The following MCF2 variants were observed in gnomAD, a reference collection of about 807,000 sequenced individuals.
MCF2 encodes proto-oncogene DBL.
A neutral mutation model predicts 82.5 loss-of-function variants in MCF2; 44 were observed. The ratio of observed to expected loss-of-function variants is 0.53; its 90% CI spans 0.42 to 0.69. The LOEUF is 0.69. Among genes scored for constraint, MCF2 ranks in the 30% least tolerant of loss-of-function variants. The probability of loss-of-function intolerance (pLI) is 0.00; values close to 1 mark genes in which losing one functional copy is unlikely to be tolerated. For missense variants in MCF2, 623 were observed against 663.1 expected, an observed-to-expected ratio of 0.94 and a Z score of 0.66; for synonymous variants, 217 against 224.9, an observed-to-expected ratio of 0.96 and a Z score of 0.32.
At chrX:139,642,499 C>T (rs865955898) in exon 1 of MCF2, 52 of 1,209,390 alleles carry the variant, frequency 4.3e-5, no homozygotes, top group Non-Finnish European at 4.9e-5. Flanking sequence ...CTTGCCTCTC[C>T]GGGGATTTGC....
intron 4 of MCF2, 137 bp downstream of exon 7, chrX:139,629,558 T>C: frequency 2.0e-6 from 1 of 499,936 alleles, no homozygotes; most frequent in Admixed American, 3.8e-5. Context: ...AAGTATAATT[T>C]TTTTTAGTTT....
At chrX:139,691,808 T>C (rs1047612115) in intron 1 of MCF2, 2 of 614,204 alleles carry the variant, frequency 3.3e-6, no homozygotes, top group African/African-American at 4.6e-5. Flanking sequence ...GGGAGGGGTG[T>C]GGACTGGAAA....
At chrX:139,601,116 T>C (rs976671492) in intron 16 of MCF2, among the ~76,000 whole-genome samples, 40 of 110,198 alleles carry the variant, frequency 3.6e-4, no homozygotes, top group Middle Eastern at 4.7e-3. Context: ...AGACAAAGAA[T>C]GGAAAATAGA....
intron 1 of MCF2, among the ~76,000 whole-genome samples, chrX:139,681,319 T>C (rs766945689): frequency 9.0e-6 from 1 of 111,430 alleles, no homozygotes; most frequent in Non-Finnish European, 1.9e-5. Context: ...GATGCTGACC[T>C]AGTCAAGGCA....
chrX:139,683,981 C>T (rs1935062925), intron 1 of MCF2, among the ~76,000 whole-genome samples: 1 of 112,473 alleles, frequency 8.9e-6, no homozygotes, highest in African/African-American at 3.2e-5. Context: ...TAGATACATT[C>T]GACCTTCTCA....
chrX:139,669,602 A>C, intron 1 of MCF2, among the ~76,000 whole-genome samples: 1 of 112,514 alleles, frequency 8.9e-6, no homozygotes, highest in Middle Eastern at 4.6e-3. Context: ...CACAAATGTT[A>C]ATAGCCACAT....
chrX:139,645,784 G>A, upstream of MCF2: 1 of 445,073 alleles, frequency 2.2e-6, no homozygotes, highest in East Asian at 3.8e-5. Context: ...ATTTGGAATT[G>A]GAAAGCTATC....
At chrX:139,668,429 C>T (rs1402103966) in intron 1 of MCF2, among the ~76,000 whole-genome samples, 1 of 111,375 alleles carries the variant, frequency 9.0e-6, no homozygotes, top group African/African-American at 3.3e-5. Flanking sequence ...CTCCTGGTAA[C>T]TCCTTATGTT....
At chrX:139,622,308 G>A (rs1281973649) in intron 6 of MCF2, among the ~76,000 whole-genome samples, 3 of 111,697 alleles carry the variant, frequency 2.7e-5, no homozygotes, top group Admixed American at 1.9e-4. Context: ...CAACCATTGT[G>A]GAAGTCAGTG....
intron 1 of MCF2, among the ~76,000 whole-genome samples, chrX:139,690,753 C>T (rs1362936004): frequency 1.8e-5 from 2 of 111,718 alleles, no homozygotes; most frequent in Admixed American, 1.9e-4. Context: ...GCCACCAAGT[C>T]TATTTTTTGA....
intron 24 of MCF2, 140 bp downstream of exon 28, chrX:139,584,926 A>G: frequency 5.3e-6 from 2 of 375,950 alleles, no homozygotes; most frequent in Non-Finnish European, 9.1e-6. Flanking sequence ...GTTCATAATA[A>G]GATTTATTTC....
Position 139,613,027 on chromosome X carries a change from T to C in MCF2, c.1363+1854A>G, listed in dbSNP as rs764215508. On this transcript the variant is annotated intron_variant, in intron 10 of 24. Transcript: ENST00000370576. The stretch of plus-strand genomic sequence containing the variant: ...TTAGAACCATAATCTACATTTTATA[T>C]AGTCATTTTCCAACATAAGCATAAT... 2.7e-5 allele frequency among the ~76,000 whole-genome samples: 3 copies of C among 111,867 alleles called. No individual in the cohort carries two copies. In the South Asian group the frequency reaches 1.1e-3, roughly 42 times the overall value.
intron 10 of MCF2, among the ~76,000 whole-genome samples, chrX:139,611,110 T>A (rs1931459883): frequency 8.9e-6 from 1 of 111,976 alleles, no homozygotes; most frequent in African/African-American, 3.2e-5. Flanking sequence ...AACCAAAGAC[T>A]AGATTGTTTA....
At chrX:139,664,147 G>C (rs1214399731) in intron 1 of MCF2, among the ~76,000 whole-genome samples, 1 of 110,219 alleles carries the variant, frequency 9.1e-6, no homozygotes, top group African/African-American at 3.3e-5. Context: ...TGGGACTACA[G>C]GCACAAGCCC....
At chrX:139,698,739 T>A (rs1275135513) in intron 1 of MCF2, among the ~76,000 whole-genome samples, 1 of 112,122 alleles carries the variant, frequency 8.9e-6, no homozygotes, top group Non-Finnish European at 1.9e-5. Flanking sequence ...ATAAGAAATG[T>A]ACAAAGAGGA....
intron 1 of MCF2, among the ~76,000 whole-genome samples, chrX:139,658,990 C>A (rs920030016): frequency 8.1e-5 from 9 of 111,487 alleles, no homozygotes; most frequent in African/African-American, 2.9e-4. Context: ...GTCAAATGAT[C>A]TTTTAAGAAC....
intron 7 of MCF2, among the ~76,000 whole-genome samples, chrX:139,617,922 C>A (rs745950405): frequency 1.8e-5 from 2 of 110,177 alleles, no homozygotes; most frequent in Admixed American, 1.9e-4. Flanking sequence ...TTAGCTGCAG[C>A]AGTGATGTCA....
chrX:139,701,948 C>T (rs1305914872), intron 1 of MCF2, among the ~76,000 whole-genome samples: 1 of 111,689 alleles, frequency 9.0e-6, no homozygotes, highest in African/African-American at 3.3e-5. Context: ...GCTCCAACCG[C>T]GCTGGCCTTC....
At chrX:139,585,163 G>A in exon 24 of MCF2, 1 of 1,182,411 alleles carries the variant, frequency 8.5e-7, no homozygotes, top group Non-Finnish European at 1.1e-6. Flanking sequence ...TGCAGATTGT[G>A]ATGCCTCAGT....
Sources: gnomAD v4.1 joint callset for allele counts (sites outside exome capture counted in the v4.1 genomes callset) on GRCh38, gnomAD v4.1.1 for gene constraint, MANE v1.5 for transcripts, NCBI Gene and HGNC (gene_info 2026-07-23, HGNC 2026-07-21) for gene names.